The following MCM2 variants were observed in gnomAD, a reference collection of about 807,000 sequenced individuals.
MCM2 encodes minichromosome maintenance complex component 2, also known as DNA replication licensing factor MCM2.
In MCM2, 49 loss-of-function variants were observed where a neutral mutation model predicts 86.4. That is an observed-to-expected ratio of 0.57 (90% CI 0.45 to 0.72). The LOEUF is 0.72. MCM2 is among the 30% of genes least tolerant of loss of function. The pLI, the probability that MCM2 is intolerant of heterozygous loss-of-function variation, is 0.00. For synonymous variants in MCM2, 475 were observed against 484.6 expected, an observed-to-expected ratio of 0.98 and a Z score of 0.26; for missense variants, 1,038 against 1,259.9, an observed-to-expected ratio of 0.82 and a Z score of 2.67.
At chr3:127,611,784 C>T (rs950271856) in intron 8 of MCM2, among the ~76,000 whole-genome samples, 4 of 136,906 alleles carry the variant, frequency 2.9e-5, no homozygotes, top group Non-Finnish European at 6.1e-5. Context: ...CTGCAAGCTC[C>T]GCCTCCCGGG....
At chr3:127,611,991 G>A (rs937505485) in intron 8 of MCM2, among the ~76,000 whole-genome samples, 2 of 144,512 alleles carry the variant, frequency 1.4e-5, no homozygotes, top group South Asian at 2.3e-4. Context: ...GAGCCACCGC[G>A]CCCGGCCAAC....
intron 2 of MCM2, among the ~76,000 whole-genome samples, chr3:127,600,613 T>C (rs145475222): frequency 6.6e-6 from 1 of 152,316 alleles, no homozygotes; most frequent in East Asian, 1.9e-4. Context: ...AGACTGCATG[T>C]GCTGTAGGCT....
In MCM2 at chr3:127,618,712, G is replaced by A. The variant is rs771824067; in HGVS notation, c.2014-315G>A. On this transcript the variant is annotated intron_variant, in intron 12 of 15. Coordinates refer to ENST00000265056, the MANE Select transcript of MCM2 (RefSeq NM_004526.4). The surrounding 1 kb of genome is among the most constrained non-coding windows in gnomAD (Gnocchi z 4.0). ...CTGTCTTTCAGGGAGGGGCTTTGCC[G>A]GGCACCCTTAGCTAGAGGCATCTCC... 3.9e-5 allele frequency among the ~76,000 whole-genome samples: 6 copies of A among 152,092 alleles called. No individual in the cohort carries two copies. Among genetic ancestry groups the A allele is most frequent in the Admixed American group, 1.3e-4 (2 of 15,278 alleles).
At chr3:127,598,701 C>T (rs1313699790) in intron 1 of MCM2, among the ~76,000 whole-genome samples, 7 of 152,202 alleles carry the variant, frequency 4.6e-5, no homozygotes, top group African/African-American at 1.7e-4. Context: ...CAGCCTCTGT[C>T]CTTTATTCAC....
Position 127,619,233 on chromosome 3 carries a change from G to A in MCM2, c.2220G>A (p.Gln740=), listed in dbSNP as rs758046680. ...ACCCGAAGCTCAACCAGATGGACCAGGACAAGGTGGCCAAGATGTACAGTG... is the reference window on the plus strand; with the variant it reads ...ACCCGAAGCTCAACCAGATGGACCAAGACAAGGTGGCCAAGATGTACAGTG... ...RVHPKLNQMD[Q]DKVAKMYSDL... is the part of the protein sequence containing the mutation. Residue 740 remains glutamine, a synonymous_variant, in exon 13 of 16, where the codon CAG becomes CAA. Transcript: ENST00000265056. The A allele has an allele frequency of 5.5e-5, 89 of 1,614,086 alleles. No homozygotes were observed. Among genetic ancestry groups the A allele is most frequent in the Non-Finnish European group, 7.1e-5 (84 of 1,180,038 alleles).
Position 127,617,225 on chromosome 3 carries a change from A to C in MCM2, c.1774-54A>C. 2 of 1,608,844 alleles carry C rather than the reference A, an allele frequency of 1.2e-6. No homozygotes were observed. Among genetic ancestry groups the C allele is most frequent in the Non-Finnish European group, 1.7e-6 (2 of 1,176,158 alleles). On this transcript the variant is annotated intron_variant, in intron 10 of 15. Transcript: ENST00000265056. This position sits in a 1 kb window ranked among gnomAD's most constrained non-coding sequence, Gnocchi z 4.1. ...GGGGTCCATTGGGACCTCATCGGAGACTTAGTAGTAGGGGCGTGAACCATG... is the reference window on the plus strand; with the variant it reads ...GGGGTCCATTGGGACCTCATCGGAGCCTTAGTAGTAGGGGCGTGAACCATG...
rs1000674269 is a variant in MCM2 at position 127,604,675 on chromosome 3, G to A, written c.304G>A (p.Val102Ile). The change falls in exon 3 of 16, where the codon GTA becomes ATA. Residue 102 changes from valine to isoleucine, a missense_variant. Physicochemically the swap from Val to Ile is conservative, Grantham distance 29 (BLOSUM62 3). This residue lies in a region of MCM2 where 300 missense variants were observed against 307.4 expected (regional missense o/e 0.98). Coordinates refer to ENST00000265056, the MANE Select transcript of MCM2 (RefSeq NM_004526.4). ...GGGACTGGCTCTGGATGATGAGGAC[G>A]TAGAGGAGCTGACGGCCAGTCAGAG... Reference protein sequence around the residue: ...AEGLALDDEDVEELTASQREA... With the variant: ...AEGLALDDEDIEELTASQREA... 14 of 1,612,936 alleles carry A rather than the reference G, an allele frequency of 8.7e-6. No homozygotes were observed. The highest frequency in any genetic ancestry group is 3.7e-4 in the Middle Eastern group (2 of 5,388).
In MCM2 at chr3:127,617,483, G is replaced by A; in HGVS notation, c.1900+78G>A. On this transcript the variant is annotated intron_variant, in intron 11 of 15. Transcript: ENST00000265056. This position sits in a 1 kb window ranked among gnomAD's most constrained non-coding sequence, Gnocchi z 4.1. ...GCCTGCTTGAATTGGGAGCCCACGG[G>A]GTCCCCAGGAGCCGATCTGAGGAAG... 2 of 1,515,536 alleles carry A rather than the reference G, an allele frequency of 1.3e-6. No individual in the cohort carries two copies. Among genetic ancestry groups the A allele is most frequent in the Non-Finnish European group, 1.8e-6 (2 of 1,132,504 alleles). 93.9% of individuals were successfully genotyped at this position (1,515,536 alleles called of 1,614,324 possible). A position where few individuals can be genotyped will look rare whatever the true frequency, so the allele number is the denominator to read the frequency against.
chr3:127,607,357 G>A (rs2074359351), intron 6 of MCM2, among the ~76,000 whole-genome samples: 1 of 152,248 alleles, frequency 6.6e-6, no homozygotes, highest in Non-Finnish European at 1.5e-5. Flanking sequence ...CTGTAAATGG[G>A]CTCATCGCCA....
At position 127,599,346 on chromosome 3, in the gene MCM2, C is replaced by T; in HGVS notation, c.35C>T (p.Ser12Phe). 1 of 1,614,186 alleles carries T rather than the reference C, an allele frequency of 6.2e-7. No homozygotes were observed. The highest frequency in any genetic ancestry group is 8.5e-7 in the Non-Finnish European group (1 of 1,180,028). ...AESSESFTMA[S>F]SPAQRRRGND... ...TCATCGGAATCCTTCACCATGGCAT[C>T]CAGCCCGGCCCAGCGTCGGCGAGGC... The change falls in exon 2 of 16, where the codon TCC (serine) becomes TTC (phenylalanine). Residue 12 changes from serine to phenylalanine, a missense_variant. By Grantham distance (155) the Ser-to-Phe change is radical. Around this residue, in one of 4 missense-constraint regions of MCM2, gnomAD observed 300 missense variants for 307.4 expected, o/e 0.98. Coordinates refer to ENST00000265056, the MANE Select transcript of MCM2 (RefSeq NM_004526.4).
At position 127,606,053 on chromosome 3, in the gene MCM2, C is replaced by A; in HGVS notation, c.674-65C>A. The A allele has an allele frequency of 7.7e-7, 1 of 1,297,600 alleles. No homozygotes were observed. The highest frequency in any genetic ancestry group is 1.2e-5 in the South Asian group (1 of 82,546). 80.4% of individuals were successfully genotyped at this position (1,297,600 alleles called of 1,614,324 possible). On this transcript the variant is annotated intron_variant, in intron 4 of 15. Transcript: ENST00000265056. The surrounding 1 kb of genome is among the most constrained non-coding windows in gnomAD (Gnocchi z 4.2). The stretch of plus-strand genomic sequence containing the variant: ...GGGTAGGCCTTGCTTCTCACACAGG[C>A]ATTGTTGCAGCCCAGCCCAGGCCTC...
At position 127,611,687 on chromosome 3, in the gene MCM2, T is replaced by TGTA. The variant is rs1559864715; in HGVS notation, c.1428+2664_1428+2665insGTA. 3.3e-3 allele frequency among the ~76,000 whole-genome samples: 191 copies of TGTA among 57,800 alleles called. 1 individual carries two copies. The highest frequency in any genetic ancestry group is 0.011 in the African/African-American group (161 of 15,208). 37.9% of individuals were successfully genotyped at this position (57,800 alleles called of 152,430 possible). A position where few individuals can be genotyped will look rare whatever the true frequency, so the allele number is the denominator to read the frequency against. On this transcript the variant is annotated intron_variant, in intron 8 of 15. Transcript: ENST00000265056. ...CTGCAGGCTTCTGCAGCTGACTTTT[T>TGTA]TTTTTTTTTTTTTTTTTTTTTTTTT...
chr3:127,599,263 TG>T, intron 1 of MCM2, 54 bp from the exon 2 acceptor site: 1 of 1,472,640 alleles, frequency 6.8e-7, no homozygotes, highest in South Asian at 1.2e-5. Flanking sequence ...AAAAGGAAGC[TG>T]TATCATGCCT....
chr3:127,620,012 G>A (rs1458415412), intron 13 of MCM2, among the ~76,000 whole-genome samples: 2 of 152,140 alleles, frequency 1.3e-5, no homozygotes, highest in Non-Finnish European at 2.9e-5. Flanking sequence ...TAAATGATAG[G>A]TATTAATATA....
Position 127,617,538 on chromosome 3 carries a change from T to G in MCM2, c.1900+133T>G, listed in dbSNP as rs1385703595. The G allele has an allele frequency of 3.5e-6, 4 of 1,139,676 alleles. No individual in the cohort carries two copies. Among genetic ancestry groups the G allele is most frequent in the Non-Finnish European group, 4.8e-6 (4 of 827,368 alleles). The allele number at this position is 1,139,676 out of a possible 1,614,324, so 70.6% of individuals were successfully genotyped here. A position where few individuals can be genotyped will look rare whatever the true frequency, so the allele number is the denominator to read the frequency against. Reference sequence around the variant, plus strand: ...TGTGCAGCAGAGGGTTCCCCTCTTCTGCATATCCTGCCAGAGTGGGGAACA... The same window carrying G: ...TGTGCAGCAGAGGGTTCCCCTCTTCGGCATATCCTGCCAGAGTGGGGAACA... On this transcript the variant is annotated intron_variant, in intron 11 of 15. Transcript: ENST00000265056. This position sits in a 1 kb window ranked among gnomAD's most constrained non-coding sequence, Gnocchi z 4.1.
At position 127,621,806 on chromosome 3, in the gene MCM2, T is replaced by G. The variant is rs1175944288; in HGVS notation, c.*33T>G. The G allele has an allele frequency of 6.3e-7, 1 of 1,576,148 alleles. No individual in the cohort carries two copies. The highest frequency in any genetic ancestry group is 1.1e-5 in the South Asian group (1 of 89,762). ...TGCCATCCATAAGGATTCCTTGGGA[T>G]TCTGGTTTGGGGTGGTCAGTGCCCT... On this transcript the variant is annotated 3_prime_UTR_variant, in exon 16 of 16. Transcript: ENST00000265056.
rs772121477 is a variant in MCM2, at chr3:127,619,155, C to T, written c.2142C>T (p.Pro714=). ...TGCCCAACACGTATGGCGTGGAGCC[C>T]CTGCCCCAGGAGGTCCTGAAGAAGT... is the stretch of plus-strand genomic sequence containing the variant. ...PAMPNTYGVE[P]LPQEVLKKYI... Residue 714 remains proline, a synonymous_variant, in exon 13 of 16, where the codon CCC becomes CCT. Coordinates refer to ENST00000265056, the MANE Select transcript of MCM2 (RefSeq NM_004526.4). 1.2e-6 allele frequency: 2 copies of T among 1,614,164 alleles called. No individual in the cohort carries two copies. Among genetic ancestry groups the T allele is most frequent in the Non-Finnish European group, 1.7e-6 (2 of 1,180,026 alleles).
Position 127,606,527 on chromosome 3 carries a change from C to T in MCM2, c.894-83C>T. 1.4e-6 allele frequency: 2 copies of T among 1,393,418 alleles called. No homozygotes were observed. Among genetic ancestry groups the T allele is most frequent in the Non-Finnish European group, 2.0e-6 (2 of 993,838 alleles). 86.3% of individuals were successfully genotyped at this position (1,393,418 alleles called of 1,614,324 possible). A position where few individuals can be genotyped will look rare whatever the true frequency, so the allele number is the denominator to read the frequency against. The stretch of plus-strand genomic sequence containing the variant: ...CGGGCTGGGGGCTGGGCCCAATTTC[C>T]AGGACAGTGTGTTGGGACACTCTCG... On this transcript the variant is annotated intron_variant, in intron 5 of 15. Coordinates refer to ENST00000265056, the MANE Select transcript of MCM2 (RefSeq NM_004526.4). This position sits in a 1 kb window ranked among gnomAD's most constrained non-coding sequence, Gnocchi z 4.2.
At position 127,614,237 on chromosome 3, in the gene MCM2, C is replaced by A. The variant is rs1453762782; in HGVS notation, c.1429-1625C>A. On this transcript the variant is annotated intron_variant, in intron 8 of 15. Coordinates refer to ENST00000265056, the MANE Select transcript of MCM2 (RefSeq NM_004526.4). ...ATGCCGTTTTTTTCTGTAACTACAT[C>A]AGTATGTATATGAAAAAGAAAAGAC... 4.6e-5 allele frequency among the ~76,000 whole-genome samples: 7 copies of A among 152,246 alleles called. No homozygotes were observed. In the South Asian group the frequency reaches 1.2e-3, roughly 27 times the overall value.
Sources: gnomAD v4.1 joint callset for allele counts (sites outside exome capture counted in the v4.1 genomes callset) on GRCh38, gnomAD v4.1.1 for gene constraint, gnomAD v4.1.1 regional missense constraint, Gnocchi (gnomAD v3.1) non-coding constraint, MANE v1.5 for transcripts, NCBI Gene and HGNC (gene_info 2026-07-23, HGNC 2026-07-21) for gene names.